MIR2052HG: variants seen among roughly 807,000 people sequenced by gnomAD.
MIR2052HG encodes MIR2052 host gene.
At chr8:74,725,445 T>C (rs1809623607) in intron 4 of MIR2052HG, among the ~76,000 whole-genome samples, 1 of 152,240 alleles carries the variant, frequency 6.6e-6, no homozygotes, top group African/African-American at 2.4e-5. Flanking sequence ...CCATACTCTT[T>C]CCTTGCCATG....
chr8:74,655,054 G>T (rs1586904863), intron 2 of MIR2052HG, among the ~76,000 whole-genome samples: 1 of 152,292 alleles, frequency 6.6e-6, no homozygotes, highest in Non-Finnish European at 1.5e-5. Context: ...CCACCCTAGA[G>T]ATTTGTGGAA....
At chr8:74,667,467 G>A (rs925976466) in intron 2 of MIR2052HG, among the ~76,000 whole-genome samples, 2 of 152,032 alleles carry the variant, frequency 1.3e-5, no homozygotes, top group Non-Finnish European at 2.9e-5. Flanking sequence ...AATGAATATG[G>A]CATTATTTTT....
intron 2 of MIR2052HG, among the ~76,000 whole-genome samples, chr8:74,694,232 C>A (rs961932220): frequency 6.6e-6 from 1 of 152,194 alleles, no homozygotes; most frequent in African/African-American, 2.4e-5. Context: ...GGTAGCTCTA[C>A]TGGCTGGTGA....
At position 74,630,048 on chromosome 8, in the gene MIR2052HG, G is replaced by A. The variant is rs1196160629; in HGVS notation, n.216+17108G>A. Among the ~76,000 whole-genome samples, 5 of 152,114 alleles carry A rather than the reference G, an allele frequency of 3.3e-5. No individual in the cohort carries two copies. In the South Asian group the frequency reaches 1.0e-3, roughly 32 times the overall value. ...TTACAGGCACAGAAAAGAGTTGTTC[G>A]AAGGCATGTTCAAAAGCTAGGACAA... On this transcript the variant is annotated intron_variant and non_coding_transcript_variant, in intron 2 of 6. Coordinates refer to ENST00000523442, the Ensembl canonical transcript of MIR2052HG.
intron 4 of MIR2052HG, among the ~76,000 whole-genome samples, chr8:74,734,923 T>C (rs145943900): frequency 7.9e-5 from 12 of 152,362 alleles, no homozygotes; most frequent in African/African-American, 2.9e-4. Flanking sequence ...TATGTGTTTA[T>C]CCCTCAAATG....
intron 1 of MIR2052HG, among the ~76,000 whole-genome samples, chr8:74,602,705 C>A (rs982377613): frequency 1.2e-4 from 18 of 151,248 alleles, no homozygotes; most frequent in Non-Finnish European, 1.5e-5. Flanking sequence ...TAAGCAGAGA[C>A]GGAGTTTCAC....
chr8:74,667,846 C>G (rs1374719731), intron 2 of MIR2052HG, among the ~76,000 whole-genome samples: 1 of 152,086 alleles, frequency 6.6e-6, no homozygotes, highest in Non-Finnish European at 1.5e-5. Flanking sequence ...GACTATCTGA[C>G]CTCCAAAACG....
chr8:74,708,606 A>T (rs1220414868), intron 4 of MIR2052HG, among the ~76,000 whole-genome samples: 1 of 152,140 alleles, frequency 6.6e-6, no homozygotes, highest in Non-Finnish European at 1.5e-5. Flanking sequence ...AAATGAAAGC[A>T]TATTTCATCA....
intron 4 of MIR2052HG, among the ~76,000 whole-genome samples, chr8:74,750,089 C>T (rs1415725890): frequency 2.0e-5 from 3 of 152,028 alleles, no homozygotes; most frequent in Non-Finnish European, 4.4e-5. Context: ...TCAATGGTGA[C>T]TATATTGAAA....
At chr8:74,635,954 G>A (rs1808576795) in intron 2 of MIR2052HG, among the ~76,000 whole-genome samples, 1 of 152,134 alleles carries the variant, frequency 6.6e-6, no homozygotes, top group Non-Finnish European at 1.5e-5. Context: ...GGAAATGTGG[G>A]AATTAAAACT....
rs147113290 is a variant in MIR2052HG, at chr8:74,639,362, C to A, written n.216+26422C>A. On this transcript the variant is annotated intron_variant and non_coding_transcript_variant, in intron 2 of 6. Coordinates refer to ENST00000523442, the Ensembl canonical transcript of MIR2052HG. ...TTATGTTCATCTGTCATTTTATACA[C>A]CTTATATGATCTTTGTAACAGGCTA... Among the ~76,000 whole-genome samples, 518 of 152,264 alleles carry A rather than the reference C, an allele frequency of 3.4e-3. 3 individuals carry two copies. Among genetic ancestry groups the A allele is most frequent in the Non-Finnish European group, 5.7e-3 (387 of 68,018 alleles).
At chr8:74,628,037 G>C (rs942203979) in intron 2 of MIR2052HG, among the ~76,000 whole-genome samples, 1 of 152,148 alleles carries the variant, frequency 6.6e-6, no homozygotes, top group Admixed American at 6.6e-5. Context: ...GAGGACTTTG[G>C]TGCACTGATG....
intron 1 of MIR2052HG, among the ~76,000 whole-genome samples, chr8:74,603,039 C>CAAAA (rs34579564): frequency 1.7e-4 from 21 of 124,012 alleles, no homozygotes; most frequent in South Asian, 5.2e-4. Flanking sequence ...AACAAAACAC[C>CAAAA]AAAAAAAAAA....
At chr8:74,649,282 A>C (rs1339883300) in intron 2 of MIR2052HG, among the ~76,000 whole-genome samples, 1 of 152,188 alleles carries the variant, frequency 6.6e-6, no homozygotes, top group Non-Finnish European at 1.5e-5. Context: ...ATATTTTATG[A>C]AAATGACGCC....
chr8:74,673,411 C>T (rs182284656), intron 2 of MIR2052HG, among the ~76,000 whole-genome samples: 68 of 152,160 alleles, frequency 4.5e-4, no homozygotes, highest in African/African-American at 1.5e-3. Context: ...AGATAGATCA[C>T]GATTTGCTCT....
At chr8:74,615,855 T>C (rs1415152593) in intron 2 of MIR2052HG, among the ~76,000 whole-genome samples, 3 of 151,968 alleles carry the variant, frequency 2.0e-5, no homozygotes, top group African/African-American at 7.3e-5. Flanking sequence ...AGTGAGAACA[T>C]GTGGTGTTTG....
intron 2 of MIR2052HG, among the ~76,000 whole-genome samples, chr8:74,685,461 T>C (rs1290308105): frequency 6.6e-6 from 1 of 152,168 alleles, no homozygotes; most frequent in African/African-American, 2.4e-5. Context: ...GTAATTTTCC[T>C]TTGAAAATGT....
intron 2 of MIR2052HG, among the ~76,000 whole-genome samples, chr8:74,618,223 A>T (rs1039534346): frequency 6.6e-6 from 1 of 152,222 alleles, no homozygotes; most frequent in East Asian, 1.9e-4. Flanking sequence ...CTTGATCAAG[A>T]TTGAACCTGC....
At chr8:74,636,739 C>T (rs1480979541) in intron 2 of MIR2052HG, among the ~76,000 whole-genome samples, 3 of 152,096 alleles carry the variant, frequency 2.0e-5, no homozygotes, top group South Asian at 4.1e-4. Flanking sequence ...CATTAAATGC[C>T]TCTCCCTGAT....
Sources: gnomAD v4.1 joint callset for allele counts (sites outside exome capture counted in the v4.1 genomes callset) on GRCh38, gnomAD v4.1.1 for gene constraint, MANE v1.5 for transcripts, NCBI Gene and HGNC (gene_info 2026-07-23, HGNC 2026-07-21) for gene names.